The following AIG1 variants were observed in gnomAD, a reference collection of about 807,000 sequenced individuals.
AIG1 encodes androgen-induced gene 1 protein.
A neutral mutation model predicts 31.4 loss-of-function variants in AIG1; 23 were observed. That is an observed-to-expected ratio of 0.73 (90% confidence interval 0.53 to 1.04). The LOEUF is 1.04. AIG1 is among the 50% of genes least tolerant of loss of function. The pLI, the probability that AIG1 is intolerant of heterozygous loss-of-function variation, is 0.00. For missense variants in AIG1, 274 were observed against 295.0 expected, an observed-to-expected ratio of 0.93 and a Z score of 0.52; for synonymous variants, 100 against 110.5, an observed-to-expected ratio of 0.90 and a Z score of 0.60.
rs890028882 is a variant in AIG1 at position 143,298,435 on chromosome 6, G to A, written c.515+14210G>A. 6.6e-6 allele frequency among the ~76,000 whole-genome samples: 1 copy of A among 152,200 alleles called. No homozygotes were observed. Among genetic ancestry groups the A allele is most frequent in the African/African-American group, 2.4e-5 (1 of 41,448 alleles). ...TGTATTATAAAGAAATAGTTAATAT[G>A]AATACAAGGTGAAACAGTGCTATTT... On this transcript the variant is annotated intron_variant, in intron 4 of 5. Coordinates refer to ENST00000357847, the MANE Select transcript of AIG1 (RefSeq NM_016108.4). This position sits in a 1 kb window ranked among gnomAD's most constrained non-coding sequence, Gnocchi z 5.1.
At position 143,145,184 on chromosome 6, in the gene AIG1, G is replaced by C. The variant is rs911710239; in HGVS notation, c.297+8194G>C. ...GGACCACAGGTGTGTGCCACCATGC[G>C]TGGCTAATTTTTGTATTTTTTGTAG... On this transcript the variant is annotated intron_variant, in intron 2 of 5. Coordinates refer to ENST00000357847, the MANE Select transcript of AIG1 (RefSeq NM_016108.4). Among the ~76,000 whole-genome samples the C allele has an allele frequency of 2.6e-5, 4 of 151,970 alleles. No individual in the cohort carries two copies. In the South Asian group the frequency reaches 6.2e-4, roughly 24 times the overall value.
Position 143,305,677 on chromosome 6 carries a change from G to A in AIG1, c.515+21452G>A, listed in dbSNP as rs9800569. ...GTCAATTTTGGAATAGGTGTGGTGC[G>A]GTGCTGAAAAAAATGTATATTCTGT... On this transcript the variant is annotated intron_variant, in intron 4 of 5. Coordinates refer to ENST00000357847, the MANE Select transcript of AIG1 (RefSeq NM_016108.4). Among the ~76,000 whole-genome samples the A allele has an allele frequency of 4.5e-3, 686 of 151,992 alleles. 2 individuals are homozygous for A. Among genetic ancestry groups the A allele is most frequent in the African/African-American group, 0.015 (640 of 41,448 alleles).
At chr6:143,175,432 A>T (rs1788052385) in intron 3 of AIG1, among the ~76,000 whole-genome samples, 1 of 152,238 alleles carries the variant, frequency 6.6e-6, no homozygotes, top group Admixed American at 6.5e-5. Context: ...CTTCTTCAGG[A>T]ACACCAATTA....
At chr6:143,287,745 A>C (rs1270613542) in intron 4 of AIG1, among the ~76,000 whole-genome samples, 5 of 150,566 alleles carry the variant, frequency 3.3e-5, no homozygotes, top group African/African-American at 7.3e-5. Context: ...AGTAAAAAAA[A>C]AAAAAAAAAA....
At chr6:143,260,394 G>T (rs1294491184) in intron 3 of AIG1, among the ~76,000 whole-genome samples, 1 of 152,146 alleles carries the variant, frequency 6.6e-6, no homozygotes, top group East Asian at 1.9e-4. Flanking sequence ...GTTGTGTTTG[G>T]TGTTTATTAA....
intron 2 of AIG1, among the ~76,000 whole-genome samples, chr6:143,158,247 C>T (rs1467799683): frequency 6.6e-6 from 1 of 152,142 alleles, no homozygotes; most frequent in Non-Finnish European, 1.5e-5. Context: ...AGCCTGTTTC[C>T]ACGTTTAGCA....
In AIG1 at chr6:143,329,075, G is replaced by C. The variant is rs1239331264; in HGVS notation, c.516-4207G>C. On this transcript the variant is annotated intron_variant, in intron 4 of 5. Transcript: ENST00000357847. The surrounding 1 kb of genome is among the most constrained non-coding windows in gnomAD (Gnocchi z 4.9). ...GTGAAAGCACAACTTGTTAAGACAA[G>C]TGGATGCATCATTCACACTGATCCA... 6.6e-6 allele frequency among the ~76,000 whole-genome samples: 1 copy of C among 152,228 alleles called. No homozygotes were observed. The highest frequency in any genetic ancestry group is 1.5e-5 in the Non-Finnish European group (1 of 68,038).
intron 3 of AIG1, among the ~76,000 whole-genome samples, chr6:143,261,106 G>A (rs1795741815): frequency 6.6e-6 from 1 of 152,068 alleles, no homozygotes; most frequent in Non-Finnish European, 1.5e-5. Context: ...GAGGAATGGG[G>A]AAGGAAGAAG....
chr6:143,185,544 C>T (rs1033717170), intron 3 of AIG1, among the ~76,000 whole-genome samples: 1 of 152,210 alleles, frequency 6.6e-6, no homozygotes, highest in African/African-American at 2.4e-5. Flanking sequence ...AATGACATCA[C>T]TTGCTCATGC....
At chr6:143,179,280 T>C (rs1373647825) in intron 3 of AIG1, among the ~76,000 whole-genome samples, 2 of 152,180 alleles carry the variant, frequency 1.3e-5, no homozygotes, top group African/African-American at 4.8e-5. Flanking sequence ...ACATTTACAG[T>C]ATACAGTCAT....
chr6:143,307,540 G>A (rs531393382), intron 4 of AIG1, among the ~76,000 whole-genome samples: 6 of 152,346 alleles, frequency 3.9e-5, no homozygotes, highest in East Asian at 3.9e-4. Flanking sequence ...GAATGCTGCT[G>A]TCTGATCGTT....
At chr6:143,147,278 CT>C (rs1048495902) in intron 2 of AIG1, among the ~76,000 whole-genome samples, 1 of 152,076 alleles carries the variant, frequency 6.6e-6, no homozygotes, top group African/African-American at 2.4e-5. Flanking sequence ...TTTCTGGATT[CT>C]CTGCGACTTT....
At chr6:143,169,461 C>G (rs1787284198) in intron 3 of AIG1, among the ~76,000 whole-genome samples, 1 of 152,094 alleles carries the variant, frequency 6.6e-6, no homozygotes, top group South Asian at 2.1e-4. Context: ...CATTCAAAAT[C>G]CTCTCTTCTA....
Position 143,334,120 on chromosome 6 carries a change from C to A in AIG1, c.679+675C>A. The A allele has an allele frequency of 6.5e-7, 1 of 1,549,192 alleles. No individual in the cohort carries two copies. Among genetic ancestry groups the A allele is most frequent in the Non-Finnish European group, 8.7e-7 (1 of 1,146,034 alleles). ...GGCACGTAATCTTATCCAAGCTGTG[C>A]AAAACCTGTCCAAAGTGTATGTACA... On this transcript the variant is annotated intron_variant, in intron 5 of 5. Coordinates refer to ENST00000357847, the MANE Select transcript of AIG1 (RefSeq NM_016108.4). This position sits in a 1 kb window ranked among gnomAD's most constrained non-coding sequence, Gnocchi z 5.1.
intron 1 of AIG1, among the ~76,000 whole-genome samples, chr6:143,130,926 A>G (rs1329068556): frequency 6.6e-6 from 1 of 152,082 alleles, no homozygotes. Context: ...CTCTGTGTCC[A>G]TGTGTTCTCA....
intron 2 of AIG1, among the ~76,000 whole-genome samples, chr6:143,162,898 G>A (rs1388809500): frequency 6.6e-6 from 1 of 152,154 alleles, no homozygotes; most frequent in Non-Finnish European, 1.5e-5. Context: ...AAAGGAAGAG[G>A]TGCATGCTCC....
chr6:143,337,483 G>A (rs905107057), intron 5 of AIG1, among the ~76,000 whole-genome samples: 4 of 152,196 alleles, frequency 2.6e-5, no homozygotes, highest in East Asian at 1.9e-4. Flanking sequence ...GCAGTTTGGC[G>A]GGGTGGAGCG....
intron 3 of AIG1, among the ~76,000 whole-genome samples, chr6:143,242,637 A>C (rs1248319343): frequency 6.6e-6 from 1 of 152,238 alleles, no homozygotes; most frequent in Non-Finnish European, 1.5e-5. Context: ...CAGTGCCATT[A>C]TAGGGGTGCT....
intron 2 of AIG1, among the ~76,000 whole-genome samples, chr6:143,146,601 C>T (rs1784737310): frequency 6.6e-6 from 1 of 151,944 alleles, no homozygotes; most frequent in Non-Finnish European, 1.5e-5. Flanking sequence ...CTAAACATTG[C>T]TTTCTATGTA....
Sources: allele counts gnomAD v4.1 joint callset (sites outside exome capture counted in the v4.1 genomes callset), GRCh38; gene constraint gnomAD v4.1.1; non-coding constraint Gnocchi (gnomAD v3.1); transcripts MANE v1.5; gene names NCBI Gene and HGNC (gene_info 2026-07-23, HGNC 2026-07-21).